The following FAM13C variants were observed in gnomAD, a reference collection of about 807,000 sequenced individuals.
The protein encoded by FAM13C is protein FAM13C.
Under a neutral mutation model 73.2 loss-of-function variants are expected in FAM13C, and 37 were observed. That is an observed-to-expected ratio of 0.51 (90% CI 0.39 to 0.67). The LOEUF is 0.67. FAM13C is among the 30% of genes least tolerant of loss of function. The probability of loss-of-function intolerance (pLI) is 0.00; values close to 1 mark genes in which losing one functional copy is unlikely to be tolerated. For synonymous variants in FAM13C, 246 were observed against 260.9 expected, an observed-to-expected ratio of 0.94 and a Z score of 0.55; for missense variants, 589 against 715.6, an observed-to-expected ratio of 0.82 and a Z score of 2.02.
chr10:59,352,506 C>T, intron 2 of FAM13C, 32 bp from the exon 3 acceptor site: 3 of 1,541,280 alleles, frequency 1.9e-6, no homozygotes, highest in Non-Finnish European at 2.6e-6. Context: ...TTAGAAAGTA[C>T]CTTAAAAAAA....
At chr10:59,281,083 C>T (rs1447561182) in intron 6 of FAM13C, among the ~76,000 whole-genome samples, 1 of 152,112 alleles carries the variant, frequency 6.6e-6, no homozygotes, top group Non-Finnish European at 1.5e-5. Flanking sequence ...ATGTAAGGCT[C>T]AGAGATAATG....
At chr10:59,338,531 C>T (rs890343624) in intron 3 of FAM13C, among the ~76,000 whole-genome samples, 45 of 152,164 alleles carry the variant, frequency 3.0e-4, no homozygotes, top group African/African-American at 1.0e-3. Context: ...CTGCACAAAG[C>T]GTCAACTACA....
intron 5 of FAM13C, among the ~76,000 whole-genome samples, chr10:59,287,985 A>C (rs1309373943): frequency 6.6e-6 from 1 of 152,198 alleles, no homozygotes; most frequent in Non-Finnish European, 1.5e-5. Context: ...ACAACTTTAA[A>C]GGAGAGAAAA....
intron 5 of FAM13C, among the ~76,000 whole-genome samples, chr10:59,290,584 G>A (rs568786637): frequency 6.6e-5 from 10 of 152,200 alleles, no homozygotes; most frequent in Non-Finnish European, 1.2e-4. Context: ...AGCTCTAGTT[G>A]TTTCTCGGCC....
In FAM13C at chr10:59,337,681, T is replaced by C. The variant is rs148485816; in HGVS notation, c.325-13575A>G. ...TTTTTCTTTTTCTTTTTTTTTTTTT[T>C]TTTTTTTTTTTTTTTGAGATAGAGT... On this transcript the variant is annotated intron_variant, in intron 3 of 13. Transcript: ENST00000618804. Among the ~76,000 whole-genome samples the C allele has an allele frequency of 4.6e-3, 622 of 136,374 alleles. 8 individuals carry two copies. Among genetic ancestry groups the C allele is most frequent in the African/African-American group, 0.016 (601 of 36,862 alleles). 89.5% of individuals were successfully genotyped at this position (136,374 alleles called of 152,430 possible). A position where few individuals can be genotyped will look rare whatever the true frequency, so the allele number is the denominator to read the frequency against.
chr10:59,323,570 C>T (rs1024172558), intron 4 of FAM13C: 4 of 219,144 alleles, frequency 1.8e-5, no homozygotes, highest in South Asian at 6.3e-5. Flanking sequence ...CACAGCTTTA[C>T]GAGAAAGTAG....
intron 2 of FAM13C, among the ~76,000 whole-genome samples, chr10:59,352,968 T>C (rs988349890): frequency 6.6e-6 from 1 of 152,210 alleles, no homozygotes; most frequent in African/African-American, 2.4e-5. Flanking sequence ...TTCCTCTTCA[T>C]TGGCAATGTC....
chr10:59,346,957 T>G (rs1201467976), intron 3 of FAM13C, among the ~76,000 whole-genome samples: 2 of 152,096 alleles, frequency 1.3e-5, no homozygotes, highest in African/African-American at 4.8e-5. Context: ...CAACTCAACA[T>G]CTCCTAACTT....
At chr10:59,285,451 CAA>C (rs2133712660) in intron 5 of FAM13C, among the ~76,000 whole-genome samples, 1 of 152,226 alleles carries the variant, frequency 6.6e-6, no homozygotes. Flanking sequence ...AGTGACCTCT[CAA>C]AAAGAGCAAA....
chr10:59,361,063 G>T, intron 1 of FAM13C: 1 of 1,289,084 alleles, frequency 7.8e-7, no homozygotes, highest in South Asian at 1.2e-5. Context: ...CCTCATCTTC[G>T]GCCTGCAGAT....
intron 10 of FAM13C, among the ~76,000 whole-genome samples, chr10:59,255,892 T>C (rs1417025787): frequency 1.3e-5 from 2 of 152,178 alleles, no homozygotes; most frequent in African/African-American, 4.8e-5. Context: ...AGAGAGATCA[T>C]ATCACATACT....
chr10:59,295,947 G>A (rs1045374287), intron 5 of FAM13C, among the ~76,000 whole-genome samples: 2 of 152,062 alleles, frequency 1.3e-5, no homozygotes, highest in African/African-American at 4.8e-5. Context: ...AAGTTGAATT[G>A]ACTTTCAGTC....
chr10:59,301,316 G>T (rs1395172587), intron 5 of FAM13C: 2 of 152,208 alleles, frequency 1.3e-5, no homozygotes, highest in Non-Finnish European at 2.9e-5. Context: ...CGTCACCTCT[G>T]TATGGAAATG....
chr10:59,280,712 C>T (rs1844828933), intron 6 of FAM13C, among the ~76,000 whole-genome samples: 1 of 152,116 alleles, frequency 6.6e-6, no homozygotes, highest in Non-Finnish European at 1.5e-5. Flanking sequence ...TACAGTGTCC[C>T]CAGGGGTACC....
chr10:59,251,151 C>A lies in FAM13C; in HGVS notation c.1634+424G>T, dbSNP rs189625301. Reference sequence around the variant, plus strand: ...TAAAATAATTAGGGACAGATCCTGACTTTTAAGGAAGACATTTAAAGCAAA... The same window carrying A: ...TAAAATAATTAGGGACAGATCCTGAATTTTAAGGAAGACATTTAAAGCAAA... On this transcript the variant is annotated intron_variant, in intron 13 of 13. Coordinates refer to ENST00000618804, the MANE Select transcript of FAM13C (RefSeq NM_198215.4). 200 of 203,066 alleles carry A rather than the reference C, an allele frequency of 9.8e-4. 3 individuals are homozygous for A. Among genetic ancestry groups the A allele is most frequent in the Non-Finnish European group, 1.4e-3 (146 of 102,656 alleles). The allele number at this position is 203,066 out of a possible 1,614,324, so 12.6% of individuals were successfully genotyped here.
chr10:59,362,191 T>G (rs955255405), intron 1 of FAM13C, among the ~76,000 whole-genome samples: 4 of 152,152 alleles, frequency 2.6e-5, no homozygotes, highest in African/African-American at 9.7e-5. Flanking sequence ...TTTTAATTTC[T>G]CTCCCGCAGC....
At chr10:59,309,247 C>T (rs1198742673) in intron 4 of FAM13C, among the ~76,000 whole-genome samples, 1 of 152,128 alleles carries the variant, frequency 6.6e-6, no homozygotes, top group Non-Finnish European at 1.5e-5. Flanking sequence ...CCACTGCCAT[C>T]TGGGGCCAAG....
intron 5 of FAM13C, among the ~76,000 whole-genome samples, chr10:59,298,460 AAC>A (rs1847176579): frequency 6.6e-6 from 1 of 152,206 alleles, no homozygotes; most frequent in Non-Finnish European, 1.5e-5. Flanking sequence ...AGAGGCCGTG[AAC>A]AGTTTTTGAG....
At chr10:59,260,293 T>C (rs1842373422) in intron 10 of FAM13C, among the ~76,000 whole-genome samples, 1 of 152,192 alleles carries the variant, frequency 6.6e-6, no homozygotes, top group Non-Finnish European at 1.5e-5. Flanking sequence ...CATGTCACTT[T>C]TCTGCTCTCA....
Sources: gnomAD v4.1 joint callset for allele counts (sites outside exome capture counted in the v4.1 genomes callset) on GRCh38, gnomAD v4.1.1 for gene constraint, MANE v1.5 for transcripts, NCBI Gene and HGNC (gene_info 2026-07-23, HGNC 2026-07-21) for gene names.